FMO5: variants seen among roughly 807,000 people sequenced by gnomAD.
FMO5 encodes the protein flavin containing dimethylaniline monoxygenase 5.
FMO5 carries 51 observed loss-of-function variants against 43.6 expected under a neutral mutation model. That is an observed-to-expected ratio of 1.17 (90% confidence interval 0.93 to 1.48). The LOEUF (loss-of-function observed/expected upper bound fraction) is 1.48, where lower values mean the gene tolerates loss of function less well. Among genes scored for constraint, FMO5 ranks in the 40% most tolerant of loss-of-function variants. The probability of loss-of-function intolerance (pLI) is 0.00; values close to 1 mark genes in which losing one functional copy is unlikely to be tolerated. For synonymous variants in FMO5, 187 were observed against 216.5 expected (o/e 0.86, Z 1.20); for missense variants, 644 against 643.0 (o/e 1.00, Z -0.02).
intron 8 of FMO5, among the ~76,000 whole-genome samples, chr1:147,188,522 CAAAAA>C (rs10552833): frequency 1.6e-5 from 1 of 61,252 alleles, no homozygotes; most frequent in Non-Finnish European, 3.1e-5. Context: ...GACCCCATAT[CAAAAA>C]AAAAAAAAAA....
Position 147,201,303 on chromosome 1 carries a change from T to G in FMO5, c.1032A>C (p.Lys344Asn). Residue 344 changes from lysine to asparagine, a missense_variant, in exon 7 of 9, where the codon AAA becomes AAC. Transcript: ENST00000254090. Reference sequence around the variant, plus strand: ...ACAGGGATATCTTGTTTTTGACCACTTTGACGGAATCTTCCAGAAATGGAA... The same window carrying G: ...ACAGGGATATCTTGTTTTTGACCACGTTGACGGAATCTTCCAGAAATGGAA... ...FDFPFLEDSVKVVKNKISLYK... is the reference protein window; with the variant it reads ...FDFPFLEDSVNVVKNKISLYK... 1 of 1,614,200 alleles carries G rather than the reference T, an allele frequency of 6.2e-7. No homozygotes were observed. Among genetic ancestry groups the G allele is most frequent in the East Asian group, 2.2e-5 (1 of 44,874 alleles).
At chr1:147,192,495 C>T (rs1213454554) in intron 7 of FMO5, among the ~76,000 whole-genome samples, 2 of 151,958 alleles carry the variant, frequency 1.3e-5, no homozygotes, top group Non-Finnish European at 2.9e-5. Context: ...TAATCGAATA[C>T]CCTTTATTTC....
chr1:147,184,614 T>G, downstream of FMO5: 1 of 1,546,992 alleles, frequency 6.5e-7, no homozygotes. The surrounding 1 kb of genome is among the most constrained non-coding windows in gnomAD (Gnocchi z 4.4). Context: ...TTGTCTGATG[T>G]TTTTCTCATG....
Position 147,219,948 on chromosome 1 carries a change from C to T in FMO5, c.136-4006G>A, listed in dbSNP as rs1571411781. On this transcript the variant is annotated intron_variant, in intron 2 of 8. Coordinates refer to ENST00000254090, the MANE Select transcript of FMO5 (RefSeq NM_001461.4). ...CTGCCTCCCGGGTGCAAGCAATTCTCCTGCCTCAGCCTCCGGAGTAACTGG... is the reference window on the plus strand; with the variant it reads ...CTGCCTCCCGGGTGCAAGCAATTCTTCTGCCTCAGCCTCCGGAGTAACTGG... 4.0e-5 allele frequency among the ~76,000 whole-genome samples: 6 copies of T among 150,896 alleles called. No homozygotes were observed. The Admixed American group carries it at 4.0e-4, about 10-fold the overall frequency.
chr1:147,206,171 C>T (rs2101888244), intron 6 of FMO5, among the ~76,000 whole-genome samples: 1 of 150,682 alleles, frequency 6.6e-6, no homozygotes, highest in Non-Finnish European at 1.5e-5. Flanking sequence ...AAAAAATGCT[C>T]ATCATCACTG....
At chr1:147,220,074 G>A (rs1310123027) in intron 2 of FMO5, among the ~76,000 whole-genome samples, 2 of 151,982 alleles carry the variant, frequency 1.3e-5, no homozygotes, top group African/African-American at 4.8e-5. Flanking sequence ...TCCTGACCTC[G>A]TGATCCACCC....
chr1:147,225,189 G>A, intron 1 of FMO5, 98 bp downstream of exon 1: 3 of 1,461,464 alleles, frequency 2.1e-6, no homozygotes, highest in South Asian at 1.4e-5. Context: ...AGATTCGACG[G>A]TCCTCTTCAC....
At chr1:147,203,181 C>T (rs1659354406) in intron 6 of FMO5, 1 of 601,612 alleles carries the variant, frequency 1.7e-6, no homozygotes, top group African/African-American at 1.9e-5. Flanking sequence ...ACACAAAATA[C>T]CTCTTAATGT....
intron 7 of FMO5, among the ~76,000 whole-genome samples, chr1:147,195,197 T>C (rs1657745383): frequency 6.6e-6 from 1 of 152,132 alleles, no homozygotes; most frequent in African/African-American, 2.4e-5. Context: ...CTTGGATGCT[T>C]TGTTCGTTTC....
At chr1:147,204,975 C>G (rs140848291) in intron 6 of FMO5, 73 of 1,165,500 alleles carry the variant, frequency 6.3e-5, no homozygotes, top group Non-Finnish European at 6.4e-5. Flanking sequence ...CTCAGAAGAC[C>G]GCGGAGGAAC....
At chr1:147,208,809 G>C (rs1458999870) in intron 6 of FMO5, 43 bp downstream of exon 6, 1 of 1,525,168 alleles carries the variant, frequency 6.6e-7, no homozygotes, top group Non-Finnish European at 9.1e-7. Flanking sequence ...CCTTATTCTT[G>C]TGCTTTGGCC....
intron 6 of FMO5, among the ~76,000 whole-genome samples, chr1:147,202,312 CTTTTTTTTTTTT>C (rs55820230): frequency 1.5e-4 from 12 of 77,466 alleles, no homozygotes; most frequent in Admixed American, 9.7e-4. Flanking sequence ...AAAAGCAGTT[CTTTTTTTTTTTT>C]TTTTTTTTTT....
At chr1:147,220,918 A>G (rs587650895) in intron 2 of FMO5, among the ~76,000 whole-genome samples, 14 of 147,454 alleles carry the variant, frequency 9.5e-5, no homozygotes, top group African/African-American at 3.3e-4. Context: ...CTTACTTATA[A>G]TAACATAAAA....
chr1:147,200,593 C>CTTTTTTTTTT, intron 7 of FMO5, among the ~76,000 whole-genome samples: 1 of 149,798 alleles, frequency 6.7e-6, no homozygotes, highest in Non-Finnish European at 1.5e-5. Context: ...ACCTATTCCC[C>CTTTTTTTTTT]TTTTTTTTTC....
chr1:147,204,534 T>G, intron 6 of FMO5: 1 of 1,575,712 alleles, frequency 6.3e-7, no homozygotes, highest in Non-Finnish European at 8.7e-7. Context: ...TGCAAGCTAT[T>G]TCATAACCTT....
At chr1:147,211,885 T>C (rs587754595) in intron 5 of FMO5, among the ~76,000 whole-genome samples, 24 of 152,342 alleles carry the variant, frequency 1.6e-4, no homozygotes, top group African/African-American at 5.5e-4. Context: ...GATACCCACA[T>C]TGTCTTTGGG....
intron 6 of FMO5, among the ~76,000 whole-genome samples, chr1:147,207,056 T>C (rs7531878): frequency 0.037 from 5,566 of 151,946 alleles, 105 homozygotes; most frequent in African/African-American, 0.046. Flanking sequence ...AAAAATACTA[T>C]TAGGGCAACT....
intron 2 of FMO5, among the ~76,000 whole-genome samples, chr1:147,222,653 TGG>T (rs1663257725): frequency 6.6e-6 from 1 of 151,668 alleles, no homozygotes; most frequent in Non-Finnish European, 1.5e-5. Context: ...TGTGGTCTGT[TGG>T]AACAGAAGTC....
chr1:147,200,173 A>AT (rs1159531123), intron 7 of FMO5, among the ~76,000 whole-genome samples: 3 of 151,924 alleles, frequency 2.0e-5, no homozygotes, highest in African/African-American at 7.3e-5. Context: ...AAGGTTTTGG[A>AT]TTTTTTTCTT....
Sources: allele counts gnomAD v4.1 joint callset (sites outside exome capture counted in the v4.1 genomes callset), GRCh38; gene constraint gnomAD v4.1.1; non-coding constraint Gnocchi (gnomAD v3.1); transcripts MANE v1.5; gene names NCBI Gene and HGNC (gene_info 2026-07-23, HGNC 2026-07-21).